NCKAP5: variants seen among roughly 807,000 people sequenced by gnomAD.
NCKAP5 encodes the protein NCK associated protein 5.
Under a neutral mutation model 167.0 loss-of-function variants are expected in NCKAP5, and 92 were observed. The ratio of observed to expected loss-of-function variants is 0.55; its 90% confidence interval spans 0.47 to 0.66. The LOEUF (loss-of-function observed/expected upper bound fraction) is 0.66, where lower values mean the gene tolerates loss of function less well. Among genes scored for constraint, NCKAP5 ranks in the 30% least tolerant of loss-of-function variants. NCKAP5 has a pLI of 0.00. For missense variants in NCKAP5, 2,378 were observed against 2,315.0 expected, an observed-to-expected ratio of 1.03 and a Z score of -0.56; for synonymous variants, 891 against 877.4, an observed-to-expected ratio of 1.02 and a Z score of -0.27.
chr2:133,043,527 A>T (rs991559204), intron 6 of NCKAP5, among the ~76,000 whole-genome samples: 1 of 152,190 alleles, frequency 6.6e-6, no homozygotes, highest in African/African-American at 2.4e-5. Context: ...GAGCTAAAAA[A>T]AATTGCAAAA....
chr2:133,064,572 T>C (rs1031279671), intron 6 of NCKAP5, among the ~76,000 whole-genome samples: 1 of 152,108 alleles, frequency 6.6e-6, no homozygotes, highest in Non-Finnish European at 1.5e-5. Flanking sequence ...GAAGATAAAC[T>C]TACAGAGCTA....
intron 3 of NCKAP5, among the ~76,000 whole-genome samples, chr2:133,303,498 T>A (rs1680552131): frequency 6.6e-6 from 1 of 152,182 alleles, no homozygotes; most frequent in African/African-American, 2.4e-5. Context: ...ACAGTCATGT[T>A]CCAGCAAAAG....
chr2:133,561,556 G>A (rs976467919), intron 1 of NCKAP5, among the ~76,000 whole-genome samples: 4 of 152,184 alleles, frequency 2.6e-5, no homozygotes, highest in Non-Finnish European at 4.4e-5. Context: ...GAGTATTCAT[G>A]AGACTATAAA....
At chr2:133,557,487 G>T (rs1040300806) in intron 2 of NCKAP5, among the ~76,000 whole-genome samples, 1 of 152,098 alleles carries the variant, frequency 6.6e-6, no homozygotes, top group Admixed American at 6.5e-5. Flanking sequence ...ACATATGAAC[G>T]AAAGAGAGAG....
intron 8 of NCKAP5, among the ~76,000 whole-genome samples, chr2:132,896,534 C>T (rs1693224913): frequency 6.6e-6 from 1 of 152,200 alleles, no homozygotes; most frequent in Non-Finnish European, 1.5e-5. Flanking sequence ...AGTTTCTTAT[C>T]GAGGGCTGGA....
At chr2:132,935,349 GA>G (rs898953279) in intron 8 of NCKAP5, among the ~76,000 whole-genome samples, 1 of 152,204 alleles carries the variant, frequency 6.6e-6, no homozygotes, top group African/African-American at 2.4e-5. Flanking sequence ...CCTATGTCTA[GA>G]CTTCTCTGAA....
At chr2:132,715,164 C>T (rs556329964) in intron 19 of NCKAP5, among the ~76,000 whole-genome samples, 3 of 152,210 alleles carry the variant, frequency 2.0e-5, no homozygotes, top group East Asian at 1.9e-4. Flanking sequence ...CTTCTTCCCC[C>T]GATACCTGAA....
intron 5 of NCKAP5, among the ~76,000 whole-genome samples, chr2:133,171,973 C>T (rs2084267136): frequency 6.6e-6 from 1 of 152,198 alleles, no homozygotes; most frequent in African/African-American, 2.4e-5. Flanking sequence ...GTCTATTTGA[C>T]ATCTTGATTT....
At chr2:132,708,350 G>A (rs1381638861) in intron 19 of NCKAP5, among the ~76,000 whole-genome samples, 2 of 152,072 alleles carry the variant, frequency 1.3e-5, no homozygotes, top group African/African-American at 4.8e-5. Context: ...TCCTAGCCCT[G>A]GCAGCATTCA....
chr2:133,380,906 A>C (rs927590929), intron 3 of NCKAP5, among the ~76,000 whole-genome samples: 8 of 152,234 alleles, frequency 5.3e-5, no homozygotes, highest in African/African-American at 1.9e-4. Flanking sequence ...TTAAAAATAG[A>C]AAAGTAGACA....
intron 6 of NCKAP5, among the ~76,000 whole-genome samples, chr2:133,068,888 C>T (rs1240930328): frequency 6.6e-6 from 1 of 152,126 alleles, no homozygotes; most frequent in Non-Finnish European, 1.5e-5. Context: ...AATGATGAAC[C>T]ATGAATCAAG....
At chr2:133,234,342 T>C (rs1338393397) in intron 4 of NCKAP5, among the ~76,000 whole-genome samples, 2 of 152,200 alleles carry the variant, frequency 1.3e-5, no homozygotes, top group African/African-American at 4.8e-5. Flanking sequence ...TCTGAACACA[T>C]TGCGGGGCTC....
chr2:132,994,812 A>G (rs2077546531), intron 6 of NCKAP5, among the ~76,000 whole-genome samples: 1 of 152,240 alleles, frequency 6.6e-6, no homozygotes, highest in Non-Finnish European at 1.5e-5. Context: ...GTGTACTTAT[A>G]TAAACCCAGA....
At chr2:133,634,257 C>G in the NCKAP5 span, among the ~76,000 whole-genome samples, 1 of 152,158 alleles carries the variant, frequency 6.6e-6, no homozygotes, top group Non-Finnish European at 1.5e-5. Flanking sequence ...AATTAGTTTG[C>G]GTTTCAGCAC....
At chr2:132,868,057 C>T (rs539293673) in intron 10 of NCKAP5, among the ~76,000 whole-genome samples, 54 of 151,964 alleles carry the variant, frequency 3.6e-4, no homozygotes, top group Non-Finnish European at 5.7e-4. Flanking sequence ...CAGCAGTCAA[C>T]CCCTAATAAA....
intron 3 of NCKAP5, among the ~76,000 whole-genome samples, chr2:133,470,861 T>A (rs773181090): frequency 3.9e-5 from 6 of 152,246 alleles, no homozygotes; most frequent in Non-Finnish European, 8.8e-5. Flanking sequence ...TGCCTCACCC[T>A]GCTTTGGCTT....
chr2:133,136,658 C>T (rs976310281), intron 5 of NCKAP5, among the ~76,000 whole-genome samples: 7 of 152,128 alleles, frequency 4.6e-5, no homozygotes, highest in African/African-American at 1.7e-4. Context: ...ATGGGGAAAA[C>T]ATTAGTACTC....
intron 3 of NCKAP5, among the ~76,000 whole-genome samples, chr2:133,443,417 T>C (rs929929454): frequency 2.6e-5 from 4 of 152,180 alleles, no homozygotes; most frequent in African/African-American, 9.7e-5. Flanking sequence ...ACCTCCCACT[T>C]GGATGATCTG....
chr2:132,910,468 A>G (rs577021467), intron 8 of NCKAP5, among the ~76,000 whole-genome samples: 1 of 151,872 alleles, frequency 6.6e-6, no homozygotes, highest in Non-Finnish European at 1.5e-5. Flanking sequence ...TATATTCATG[A>G]GTTCAATTAT....
Sources: allele counts gnomAD v4.1 joint callset (sites outside exome capture counted in the v4.1 genomes callset), GRCh38; gene constraint gnomAD v4.1.1; transcripts MANE v1.5; gene names NCBI Gene and HGNC (gene_info 2026-07-23, HGNC 2026-07-21).